Variants in CDK18 observed in about 807,000 individuals in gnomAD.
CDK18 encodes the protein cyclin dependent kinase 18, also known as cyclin-dependent kinase 18.
In CDK18, 52 loss-of-function variants were observed where a neutral mutation model predicts 62.0. The observed-to-expected ratio is 0.84, with a 90% CI of 0.67 to 1.06. The LOEUF (loss-of-function observed/expected upper bound fraction) is 1.06. Ranked by LOEUF, CDK18 falls within the 50% of genes least tolerant of loss-of-function variation. CDK18 has a pLI of 0.00. For missense variants in CDK18, 604 were observed against 619.9 expected (o/e 0.97, Z 0.27); for synonymous variants, 237 against 247.0 (o/e 0.96, Z 0.38).
chr1:205,520,713 A>G (rs962059995), intron 1 of CDK18, among the ~76,000 whole-genome samples: 4 of 144,554 alleles, frequency 2.8e-5, no homozygotes, highest in African/African-American at 1.0e-4. Context: ...AAAAAAAAAA[A>G]GAAAAAAGGA....
chr1:205,518,725 G>A (rs1667958250), intron 1 of CDK18, among the ~76,000 whole-genome samples: 1 of 152,202 alleles, frequency 6.6e-6, no homozygotes, highest in African/African-American at 2.4e-5. Context: ...ATTCTGGGAG[G>A]CCAGCCCTGC....
intron 1 of CDK18, among the ~76,000 whole-genome samples, chr1:205,505,029 C>T (rs944308636): frequency 1.3e-5 from 2 of 152,006 alleles, no homozygotes; most frequent in African/African-American, 2.4e-5. Flanking sequence ...GGGGTGCCCT[C>T]GAAAGGCCAC....
rs1253856944 is a variant in CDK18, at chr1:205,517,830, C to T, written c.-21-5317C>T. Among the ~76,000 whole-genome samples the T allele has an allele frequency of 6.6e-6, 1 of 152,084 alleles. No individual in the cohort carries two copies. Among genetic ancestry groups the T allele is most frequent in the Non-Finnish European group, 1.5e-5 (1 of 68,002 alleles). On this transcript the variant is annotated intron_variant, in intron 1 of 15. Coordinates refer to ENST00000429964, the MANE Select transcript of CDK18 (RefSeq NM_212502.3). The surrounding 1 kb of genome is among the most constrained non-coding windows in gnomAD (Gnocchi z 4.1). The stretch of plus-strand genomic sequence containing the variant: ...AGCAGCCTCCTGCCCGGGCTCCCTG[C>T]TCTCCCCTTGCTCCCCTTGTCTGTT...
At position 205,531,636 on chromosome 1, in the gene CDK18, TGA is replaced by T; in HGVS notation, c.*260_*261del. The T allele has an allele frequency of 2.0e-6, 1 of 502,644 alleles. No homozygotes were observed. The highest frequency in any genetic ancestry group is 2.1e-5 in the South Asian group (1 of 48,134). The allele number at this position is 502,644 out of a possible 1,614,324, so 31.1% of individuals were successfully genotyped here. A position where few individuals can be genotyped will look rare whatever the true frequency, so the allele number is the denominator to read the frequency against. On this transcript the variant is annotated 3_prime_UTR_variant, in exon 16 of 16. Coordinates refer to ENST00000429964, the MANE Select transcript of CDK18 (RefSeq NM_212502.3). ...CATAAGCTGCTTCCCTGAGAGGACA[TGA>T]GGGGGGGGCGGTCCTCGTACCCTCT... is the stretch of plus-strand genomic sequence containing the variant.
intron 7 of CDK18, 138 bp from the exon 8 acceptor site, chr1:205,526,637 G>A (rs547300456): frequency 1.9e-5 from 18 of 961,686 alleles, no homozygotes; most frequent in African/African-American, 1.3e-4. Context: ...TCAGGCTTAC[G>A]GGTGGCTCGA....
intron 1 of CDK18, 77 bp from the exon 2 acceptor site, chr1:205,523,070 C>A: frequency 6.8e-7 from 1 of 1,463,506 alleles, no homozygotes; most frequent in Non-Finnish European, 9.2e-7. Context: ...GATGAGAGAG[C>A]TGAATTCCCA....
intron 3 of CDK18, 104 bp downstream of exon 3, chr1:205,523,729 C>A: frequency 7.3e-7 from 1 of 1,378,380 alleles, no homozygotes; most frequent in Non-Finnish European, 9.8e-7. Context: ...AGTTCAAATT[C>A]CACCTCTGCC....
chr1:205,531,524 C>T lies in CDK18; in HGVS notation c.*146C>T, dbSNP rs961232262. On this transcript the variant is annotated 3_prime_UTR_variant, in exon 16 of 16. Transcript: ENST00000429964. ...GACCGCTTGGCAGCCCTTCTGGCCACGGCTGTTTCTTCTTTGTGCTTCCCG... is the reference window on the plus strand; with the variant it reads ...GACCGCTTGGCAGCCCTTCTGGCCATGGCTGTTTCTTCTTTGTGCTTCCCG... 2.5e-5 allele frequency: 18 copies of T among 716,926 alleles called. No individual in the cohort carries two copies. Among genetic ancestry groups the T allele is most frequent in the East Asian group, 1.3e-4 (5 of 37,156 alleles). 44.4% of individuals were successfully genotyped at this position (716,926 alleles called of 1,614,324 possible). A position where few individuals can be genotyped will look rare whatever the true frequency, so the allele number is the denominator to read the frequency against.
At chr1:205,510,288 G>A (rs536783558) in intron 1 of CDK18, among the ~76,000 whole-genome samples, 5 of 152,168 alleles carry the variant, frequency 3.3e-5, no homozygotes, top group African/African-American at 4.8e-5. Flanking sequence ...CCTGGGCTGC[G>A]GGGTGACCAG....
intron 1 of CDK18, among the ~76,000 whole-genome samples, chr1:205,512,558 C>T (rs932685505): frequency 1.3e-5 from 2 of 152,280 alleles, no homozygotes; most frequent in African/African-American, 4.8e-5. Flanking sequence ...AAGGAGGCCT[C>T]CTGGGCCCAG....
At chr1:205,518,627 G>A (rs59296692) in intron 1 of CDK18, among the ~76,000 whole-genome samples, 2,830 of 152,282 alleles carry the variant, frequency 0.019, 38 homozygotes, top group African/African-American at 0.039. Flanking sequence ...CGTGATTCTG[G>A]GCAAGCCATT....
intron 5 of CDK18, among the ~76,000 whole-genome samples, chr1:205,525,466 G>T (rs982615416): frequency 6.6e-6 from 1 of 151,994 alleles, no homozygotes; most frequent in Non-Finnish European, 1.5e-5. Context: ...AGTCCTTCTT[G>T]CCTGGGTTCA....
chr1:205,519,461 C>T (rs1032459992), intron 1 of CDK18, among the ~76,000 whole-genome samples: 3 of 150,766 alleles, frequency 2.0e-5, no homozygotes, highest in Non-Finnish European at 4.4e-5. Flanking sequence ...TGACCTCCAT[C>T]CTTCCATCAG....
Position 205,523,264 on chromosome 1 carries a change from C to A in CDK18, c.97C>A (p.Gln33Lys). The change falls in exon 2 of 16, where the codon CAA becomes AAA. Residue 33 changes from glutamine (Q) to lysine (K), a missense_variant. Transcript: ENST00000429964. ...IEESLAEFTE[Q>K]FNQLHNRRNE... The stretch of plus-strand genomic sequence containing the variant: ...AGAATCCTTGGCTGAATTCACGGAG[C>A]AATTCAACCAGCTCCACAACCGGCG... 3 of 1,614,166 alleles carry A rather than the reference C, an allele frequency of 1.9e-6. No homozygotes were observed. The highest frequency in any genetic ancestry group is 2.5e-6 in the Non-Finnish European group (3 of 1,180,026).
At chr1:205,509,883 C>T (rs1172526047) in intron 1 of CDK18, among the ~76,000 whole-genome samples, 4 of 152,088 alleles carry the variant, frequency 2.6e-5, no homozygotes, top group Non-Finnish European at 4.4e-5. Flanking sequence ...AGTTCAAGAC[C>T]AGCCTGGCCA....
chr1:205,516,248 G>A lies in CDK18; in HGVS notation c.-21-6899G>A, dbSNP rs781129172. The stretch of plus-strand genomic sequence containing the variant: ...TGTCTCTGAGGTCCTAGCTCATGAC[G>A]TCTGCAAACTTGGTCAGCCATGGCC... On this transcript the variant is annotated intron_variant, in intron 1 of 15. Coordinates refer to ENST00000429964, the MANE Select transcript of CDK18 (RefSeq NM_212502.3). This position sits in a 1 kb window ranked among gnomAD's most constrained non-coding sequence, Gnocchi z 4.8. 1.3e-5 allele frequency among the ~76,000 whole-genome samples: 2 copies of A among 152,180 alleles called. No individual in the cohort carries two copies. Among genetic ancestry groups the A allele is most frequent in the African/African-American group, 2.4e-5 (1 of 41,444 alleles).
intron 1 of CDK18, among the ~76,000 whole-genome samples, chr1:205,521,839 G>A (rs1668144083): frequency 6.6e-6 from 1 of 152,256 alleles, no homozygotes; most frequent in African/African-American, 2.4e-5. Context: ...GAAGGGCCTG[G>A]TCGCCTTGGC....
At position 205,527,802 on chromosome 1, in the gene CDK18, G is replaced by C; in HGVS notation, c.738G>C (p.Met246Ile). 6.2e-7 allele frequency: 1 copy of C among 1,613,910 alleles called. No homozygotes were observed. Among genetic ancestry groups the C allele is most frequent in the Non-Finnish European group, 8.5e-7 (1 of 1,179,870 alleles). ...LMSMHNVKIFMFQLLRGLAYC... is the reference protein window; with the variant it reads ...LMSMHNVKIFIFQLLRGLAYC... The stretch of plus-strand genomic sequence containing the variant: ...TCTTCCCCCTCCCCCAGATTTTCAT[G>C]TTCCAGCTGCTCCGGGGCCTCGCCT... The change falls in exon 9 of 16, where the codon ATG becomes ATC. Residue 246 changes from methionine to isoleucine, a missense_variant. Transcript: ENST00000429964. The surrounding 1 kb of genome is among the most constrained non-coding windows in gnomAD (Gnocchi z 4.1).
At chr1:205,525,003 G>C (rs1182082405) in intron 4 of CDK18, 136 bp from the exon 5 acceptor site, 1 of 548,062 alleles carries the variant, frequency 1.8e-6, no homozygotes, top group African/African-American at 1.9e-5. Flanking sequence ...TTATCACAGG[G>C]ATAAAGGGAA....
Sources: gnomAD v4.1 joint callset for allele counts (sites outside exome capture counted in the v4.1 genomes callset) on GRCh38, gnomAD v4.1.1 for gene constraint, Gnocchi (gnomAD v3.1) non-coding constraint, MANE v1.5 for transcripts, NCBI Gene and HGNC (gene_info 2026-07-23, HGNC 2026-07-21) for gene names.